Variants in FER observed in about 807,000 individuals in gnomAD.
The protein encoded by FER is FER tyrosine kinase.
In FER, 63 loss-of-function variants were observed where a neutral mutation model predicts 111.0. That is an observed-to-expected ratio of 0.57 (90% CI 0.46 to 0.70). The LOEUF is 0.70. FER is among the 30% of genes least tolerant of loss of function. The pLI is 0.00. For synonymous variants in FER, 327 were observed against 313.9 expected, an observed-to-expected ratio of 1.04 and a Z score of -0.44; for missense variants, 914 against 954.0, an observed-to-expected ratio of 0.96 and a Z score of 0.55.
chr5:108,749,020 T>C (rs1184184161), intron 1 of FER: 1 of 150,716 alleles, frequency 6.6e-6, no homozygotes, highest in Non-Finnish European at 1.5e-5. Flanking sequence ...CCGCCGGCGG[T>C]AGGCGCTGTT....
At chr5:108,879,701 A>AAATATATATAT in intron 8 of FER, among the ~76,000 whole-genome samples, 64 of 99,090 alleles carry the variant, frequency 6.5e-4, no homozygotes, top group African/African-American at 2.3e-3. Flanking sequence ...ATTAAAAAAA[A>AAATATATATAT]ATATATATAT....
At chr5:108,872,394 C>T (rs545549360) in intron 8 of FER, among the ~76,000 whole-genome samples, 182 bp downstream of exon 8, 8 of 151,970 alleles carry the variant, frequency 5.3e-5, no homozygotes, top group East Asian at 3.9e-4. Flanking sequence ...TTGGTAATTC[C>T]GAATATCAAA....
At chr5:108,796,477 G>C (rs1756031591) in intron 2 of FER, among the ~76,000 whole-genome samples, 1 of 152,198 alleles carries the variant, frequency 6.6e-6, no homozygotes, top group African/African-American at 2.4e-5. Context: ...AGTTTCTGTA[G>C]GCTCCAAGTG....
intron 8 of FER, among the ~76,000 whole-genome samples, chr5:108,883,154 A>G (rs1765841864): frequency 6.6e-6 from 1 of 151,934 alleles, no homozygotes; most frequent in Admixed American, 6.6e-5. Context: ...CCGAGTACTT[A>G]CTGTGATTAT....
At chr5:108,913,665 A>G (rs1470887882) in intron 10 of FER, among the ~76,000 whole-genome samples, 1 of 152,228 alleles carries the variant, frequency 6.6e-6, no homozygotes, top group Non-Finnish European at 1.5e-5. Context: ...TATATACTCA[A>G]TAGAAATACA....
At chr5:109,054,460 A>C (rs761287919) in intron 16 of FER, among the ~76,000 whole-genome samples, 3 of 152,184 alleles carry the variant, frequency 2.0e-5, no homozygotes, top group Non-Finnish European at 4.4e-5. Context: ...GCCTATTTTA[A>C]AAATTGGGTT....
At chr5:109,076,242 A>G (rs1438772626) in intron 16 of FER, among the ~76,000 whole-genome samples, 1 of 152,218 alleles carries the variant, frequency 6.6e-6, no homozygotes, top group East Asian at 1.9e-4. Flanking sequence ...GTAACAAAAC[A>G]GTGACAGAAA....
intron 17 of FER, among the ~76,000 whole-genome samples, chr5:109,162,362 T>C (rs939253042): frequency 6.6e-6 from 1 of 152,126 alleles, no homozygotes; most frequent in Non-Finnish European, 1.5e-5. Flanking sequence ...TGGGATAATA[T>C]CTTAAAATAC....
At chr5:109,010,518 A>C (rs1014403044) in intron 13 of FER, among the ~76,000 whole-genome samples, 10 of 151,824 alleles carry the variant, frequency 6.6e-5, no homozygotes, top group Admixed American at 1.3e-4. Flanking sequence ...TAAGGTTTTC[A>C]CCAATATTTA....
chr5:109,114,457 T>C (rs1239808456), intron 17 of FER, among the ~76,000 whole-genome samples: 2 of 152,078 alleles, frequency 1.3e-5, no homozygotes, highest in African/African-American at 4.8e-5. Context: ...TGAAGCTATC[T>C]ATAATCATGC....
At chr5:109,170,130 A>G (rs1401074685) in intron 17 of FER, among the ~76,000 whole-genome samples, 1 of 152,146 alleles carries the variant, frequency 6.6e-6, no homozygotes, top group Non-Finnish European at 1.5e-5. Context: ...TAGTGTGACT[A>G]TGTATATCAC....
intron 2 of FER, among the ~76,000 whole-genome samples, chr5:108,797,565 C>CCT (rs1756171463): frequency 6.6e-6 from 1 of 152,210 alleles, no homozygotes; most frequent in Non-Finnish European, 1.5e-5. Flanking sequence ...CTCTCTTTCT[C>CCT]CTCCAAGCAT....
chr5:109,001,801 T>C (rs1358985193), intron 13 of FER, among the ~76,000 whole-genome samples: 1 of 152,056 alleles, frequency 6.6e-6, no homozygotes, highest in East Asian at 1.9e-4. Flanking sequence ...GGATAGAATA[T>C]CAATGTGCAA....
At chr5:109,103,704 AATACACTGAT>A (rs1309784794) in intron 17 of FER, among the ~76,000 whole-genome samples, 3 of 152,184 alleles carry the variant, frequency 2.0e-5, no homozygotes, top group Non-Finnish European at 4.4e-5. Context: ...AACTGTTTGA[AATACACTGAT>A]AAACTTTGTG....
At chr5:108,936,637 T>C (rs1168254715) in intron 10 of FER, among the ~76,000 whole-genome samples, 1 of 152,026 alleles carries the variant, frequency 6.6e-6, no homozygotes, top group African/African-American at 2.4e-5. Flanking sequence ...TACATTCATA[T>C]TGATAAAAAT....
At chr5:109,070,416 G>T (rs1780643434) in intron 16 of FER, among the ~76,000 whole-genome samples, 1 of 151,910 alleles carries the variant, frequency 6.6e-6, no homozygotes, top group African/African-American at 2.4e-5. Flanking sequence ...TTGGTGATGA[G>T]TATACCTACC....
chr5:108,762,048 CT>C (rs1751814953), intron 1 of FER, among the ~76,000 whole-genome samples: 2 of 152,062 alleles, frequency 1.3e-5, no homozygotes, highest in African/African-American at 4.8e-5. Flanking sequence ...GTAGCTGGGA[CT>C]ATAGGTGTGT....
chr5:109,076,411 A>G (rs17450166), intron 16 of FER, among the ~76,000 whole-genome samples: 13,558 of 152,058 alleles, frequency 0.089, 797 homozygotes, highest in Non-Finnish European at 0.13. Flanking sequence ...ACTTTTTTAT[A>G]GCATTCTGCT....
At chr5:108,876,839 G>A (rs1030806021) in intron 8 of FER, among the ~76,000 whole-genome samples, 2 of 152,278 alleles carry the variant, frequency 1.3e-5, no homozygotes, top group African/African-American at 2.4e-5. Flanking sequence ...GTGATAGGAA[G>A]TATTATGGCC....
Sources: allele counts gnomAD v4.1 joint callset (sites outside exome capture counted in the v4.1 genomes callset), GRCh38; gene constraint gnomAD v4.1.1; transcripts MANE v1.5; gene names NCBI Gene and HGNC (gene_info 2026-07-23, HGNC 2026-07-21).